The following PDHA1 variants were observed in gnomAD, a reference collection of about 807,000 sequenced individuals.
PDHA1 encodes pyruvate dehydrogenase E1 subunit alpha 1.
In PDHA1, 1 loss-of-function variant was observed where a neutral mutation model predicts 33.0. That is an observed-to-expected ratio of 0.03 (90% CI 0.01 to 0.14). The LOEUF (loss-of-function observed/expected upper bound fraction) is 0.14. Ranked by LOEUF, PDHA1 falls within the 10% of genes least tolerant of loss-of-function variation. The probability of loss-of-function intolerance (pLI) is 1.00; values close to 1 mark genes in which losing one functional copy is unlikely to be tolerated. For missense variants in PDHA1, 168 were observed against 325.1 expected, an observed-to-expected ratio of 0.52 and a Z score of 3.72; for synonymous variants, 123 against 119.2, an observed-to-expected ratio of 1.03 and a Z score of -0.21.
Position 19,345,745 on chromosome X carries a change from T to TCCCCCCCCCCC in PDHA1, c.57+1653_57+1663dup, listed in dbSNP as rs745880160. On this transcript the variant is annotated intron_variant, in intron 1 of 10. Transcript: ENST00000422285. ...TTGTTTCCTGTATCAGTTTGCAGGG[T>TCCCCCCCCCCC]CCCCCCCCCCCCGCCACCTTACAGT... 5.3e-5 allele frequency: 9 copies of TCCCCCCCCCCC among 170,189 alleles called. 1 individual carries two copies. Among genetic ancestry groups the TCCCCCCCCCCC allele is most frequent in the African/African-American group, 4.5e-4 (9 of 20,072 alleles). The allele number at this position is 170,189 out of a possible 1,213,427, so 14.0% of individuals were successfully genotyped here.
chrX:19,359,356 A>G (rs1286902214), intron 10 of PDHA1, 133 bp from the exon 11 acceptor site: 1 of 556,286 alleles, frequency 1.8e-6, no homozygotes, highest in Non-Finnish European at 3.1e-6. Flanking sequence ...TGTATTCCAA[A>G]ATCTTCTGAA....
rs138892389 is a variant in PDHA1 at position 19,358,633 on chromosome X, G to A, written c.900-283G>A. Among the ~76,000 whole-genome samples, 972 of 111,708 alleles carry A rather than the reference G, an allele frequency of 8.7e-3. 5 individuals are homozygous for A. The highest frequency in any genetic ancestry group is 0.03 in the African/African-American group (909 of 30,754). On this transcript the variant is annotated intron_variant, in intron 9 of 10. Coordinates refer to ENST00000422285, the MANE Select transcript of PDHA1 (RefSeq NM_000284.4). The stretch of plus-strand genomic sequence containing the variant: ...AAGCAAAAACTTGGCCCCTGTTGTC[G>A]GAATGCCAGGGAAGCCATGTGACTC...
At chrX:19,347,148 CCT>C (rs886648616) in intron 1 of PDHA1, among the ~76,000 whole-genome samples, 5 of 111,226 alleles carry the variant, frequency 4.5e-5, no homozygotes, top group African/African-American at 1.6e-4. Context: ...CCCACCCTGG[CCT>C]CCCAAAGTGC....
At chrX:19,345,809 A>G in intron 1 of PDHA1, 1 of 293,584 alleles carries the variant, frequency 3.4e-6, no homozygotes, top group Non-Finnish European at 6.6e-6. Context: ...GTCACCTTTG[A>G]AAGTGCCCAG....
At chrX:19,355,898 T>C in intron 8 of PDHA1, 141 bp downstream of exon 8, 1 of 520,633 alleles carries the variant, frequency 1.9e-6, no homozygotes, top group South Asian at 2.6e-5. Context: ...GGAGCAGGGC[T>C]CCTTTGGGTA....
chrX:19,347,826 C>T (rs1003501128), intron 1 of PDHA1, among the ~76,000 whole-genome samples: 1 of 112,612 alleles, frequency 8.9e-6, no homozygotes, highest in African/African-American at 3.2e-5. Flanking sequence ...TTCACTTTTT[C>T]TGAGATACAT....
At chrX:19,345,073 T>C (rs1204837015) in intron 1 of PDHA1, among the ~76,000 whole-genome samples, 4 of 110,734 alleles carry the variant, frequency 3.6e-5, no homozygotes, top group Non-Finnish European at 7.6e-5. Context: ...TTAGCACTAT[T>C]TCATGGCCTC....
intron 4 of PDHA1, chrX:19,352,758 A>G (rs2063172088): frequency 3.2e-6 from 1 of 315,082 alleles, no homozygotes. Context: ...AGGATTGAAT[A>G]TATTTAGTGT....
chrX:19,361,632 A>C lies in PDHA1; in HGVS notation c.*1979A>C. 1 of 962,619 alleles carries C rather than the reference A, an allele frequency of 1.0e-6. No individual in the cohort carries two copies. Among genetic ancestry groups the C allele is most frequent in the Admixed American group, 2.6e-5 (1 of 38,175 alleles). The allele number at this position is 962,619 out of a possible 1,213,427, so 79.3% of individuals were successfully genotyped here. ...CAATTTGTTATATATTAGTCTAACC[A>C]TAAAACTCTTCAAAAGTAACCAGTT... On this transcript the variant is annotated 3_prime_UTR_variant, in exon 11 of 11. Coordinates refer to ENST00000422285, the MANE Select transcript of PDHA1 (RefSeq NM_000284.4).
chrX:19,354,781 A>G (rs922862463), intron 6 of PDHA1, among the ~76,000 whole-genome samples, 198 bp downstream of exon 6: 2 of 112,943 alleles, frequency 1.8e-5, no homozygotes, highest in African/African-American at 6.4e-5. Flanking sequence ...ACGGGGGCAC[A>G]TTCCTGTGAA....
At chrX:19,357,794 A>G (rs942578907) in intron 9 of PDHA1, 75 bp downstream of exon 9, 147 of 810,726 alleles carry the variant, frequency 1.8e-4, no homozygotes, top group Non-Finnish European at 2.1e-4. Flanking sequence ...AACACATTTC[A>G]GTATTTGCTT....
At position 19,360,137 on chromosome X, in the gene PDHA1, T is replaced by TAATC. The variant is rs892637509; in HGVS notation, c.*486_*489dup. On this transcript the variant is annotated 3_prime_UTR_variant, in exon 11 of 11. Transcript: ENST00000422285. ...GACTTTTGTAATCATTCCAATTTTG[T>TAATC]AATCATTTCAAAGGCCACATAACTT... The TAATC allele has an allele frequency of 5.8e-5, 9 of 155,612 alleles. No individual in the cohort carries two copies. Among genetic ancestry groups the TAATC allele is most frequent in the African/African-American group, 2.8e-4 (9 of 31,952 alleles). The allele number at this position is 155,612 out of a possible 1,213,427, so 12.8% of individuals were successfully genotyped here.
chrX:19,359,857 T>TTTTGAC lies in PDHA1; in HGVS notation c.*207_*212dup. 8.6e-6 allele frequency: 4 copies of TTTTGAC among 463,957 alleles called. No homozygotes were observed. Among genetic ancestry groups the TTTTGAC allele is most frequent in the Non-Finnish European group, 1.1e-5 (3 of 261,568 alleles). 38.2% of individuals were successfully genotyped at this position (463,957 alleles called of 1,213,427 possible). A position where few individuals can be genotyped will look rare whatever the true frequency, so the allele number is the denominator to read the frequency against. ...GAATTATTGAGTGCTTAAAGATTAT[T>TTTTGAC]TTTGACTTAAAATAGTATACTTTGA... On this transcript the variant is annotated 3_prime_UTR_variant, in exon 11 of 11. Transcript: ENST00000422285.
rs1278863609 is a variant in PDHA1, at chrX:19,360,744, T to G, written c.*1091T>G. On this transcript the variant is annotated 3_prime_UTR_variant, in exon 11 of 11. Transcript: ENST00000422285. ...GACACTCTGCCACAGCTTAGCTGAT[T>G]GGTATCAAGCCTTGTCTTTGGTTTC... is the stretch of plus-strand genomic sequence containing the variant. 1 of 1,197,347 alleles carries G rather than the reference T, an allele frequency of 8.4e-7. No homozygotes were observed. Among genetic ancestry groups the G allele is most frequent in the Admixed American group, 2.2e-5 (1 of 45,127 alleles).
chrX:19,360,928 AAC>A lies in PDHA1; in HGVS notation c.*1277_*1278del, dbSNP rs2063277593. The stretch of plus-strand genomic sequence containing the variant: ...AATTTAAAAACCTAATGAAAATAAA[AAC>A]ATTCTCCTCACATATGGAGGTGACG... On this transcript the variant is annotated 3_prime_UTR_variant, in exon 11 of 11. Coordinates refer to ENST00000422285, the MANE Select transcript of PDHA1 (RefSeq NM_000284.4). 7 of 647,833 alleles carry A rather than the reference AAC, an allele frequency of 1.1e-5. No individual in the cohort carries two copies. In the South Asian group the frequency reaches 1.7e-4, roughly 16 times the overall value. The allele number at this position is 647,833 out of a possible 1,213,427, so 53.4% of individuals were successfully genotyped here.
chrX:19,353,331 A>C, intron 5 of PDHA1, 158 bp downstream of exon 5: 1 of 510,465 alleles, frequency 2.0e-6, no homozygotes, highest in South Asian at 2.7e-5. Flanking sequence ...TGGACCCATA[A>C]GATTATAATG....
At chrX:19,356,320 C>G (rs950574155) in intron 8 of PDHA1, among the ~76,000 whole-genome samples, 2 of 111,096 alleles carry the variant, frequency 1.8e-5, no homozygotes, top group African/African-American at 6.6e-5. Context: ...TTTGGGTGTT[C>G]TCCCTAAATC....
Position 19,349,456 on chromosome X carries a change from G to A in PDHA1, c.117+85G>A. ...TACCTTTAGAATAGAACATTTTGAT[G>A]TTCATGCTTAGTCATCATTTTCTTC... On this transcript the variant is annotated intron_variant, in intron 2 of 10. Coordinates refer to ENST00000422285, the MANE Select transcript of PDHA1 (RefSeq NM_000284.4). 1.3e-5 allele frequency: 8 copies of A among 605,037 alleles called. No homozygotes were observed. In the South Asian group the frequency reaches 2.0e-4, roughly 15 times the overall value. The allele number at this position is 605,037 out of a possible 1,213,427, so 49.9% of individuals were successfully genotyped here.
Position 19,360,267 on chromosome X carries a change from G to T in PDHA1, c.*614G>T, listed in dbSNP as rs5955761. ...GTATCAGTTTTGTGTTTCTCAAATT[G>T]AAGTACCATACCAGTTCTGAGGCAG... On this transcript the variant is annotated 3_prime_UTR_variant, in exon 11 of 11. Coordinates refer to ENST00000422285, the MANE Select transcript of PDHA1 (RefSeq NM_000284.4). 0.057 allele frequency: 7,715 copies of T among 134,872 alleles called. 325 individuals are homozygous for T. The highest frequency in any genetic ancestry group is 0.15 in the African/African-American group (4,739 of 31,090). 11.1% of individuals were successfully genotyped at this position (134,872 alleles called of 1,213,427 possible). A position where few individuals can be genotyped will look rare whatever the true frequency, so the allele number is the denominator to read the frequency against.
Sources: allele counts gnomAD v4.1 joint callset (sites outside exome capture counted in the v4.1 genomes callset), GRCh38; gene constraint gnomAD v4.1.1; transcripts MANE v1.5; gene names NCBI Gene and HGNC (gene_info 2026-07-23, HGNC 2026-07-21).